Variants in DLGAP2 observed in about 807,000 individuals in gnomAD.
DLGAP2 encodes the protein DLG associated protein 2, also known as disks large-associated protein 2.
In DLGAP2, 26 loss-of-function variants were observed where a neutral mutation model predicts 100.3. The observed-to-expected ratio is 0.26, with a 90% CI of 0.19 to 0.36. The LOEUF is 0.36. Among genes scored for constraint, DLGAP2 ranks in the 10% least tolerant of loss-of-function variants. The probability of loss-of-function intolerance (pLI) is 1.00; values close to 1 mark genes in which losing one functional copy is unlikely to be tolerated. For synonymous variants in DLGAP2, 886 were observed against 630.1 expected, an observed-to-expected ratio of 1.41 and a Z score of -6.08; for missense variants, 1,858 against 1,453.2, an observed-to-expected ratio of 1.28 and a Z score of -4.53.
chr8:1,251,465 G>A (rs902122287), intron 2 of DLGAP2, among the ~76,000 whole-genome samples: 2 of 152,142 alleles, frequency 1.3e-5, no homozygotes, highest in African/African-American at 4.8e-5. Flanking sequence ...TTGAGACAGG[G>A]TCTCTGTCTG....
intron 8 of DLGAP2, among the ~76,000 whole-genome samples, chr8:1,660,852 G>T (rs1369800846): frequency 6.6e-6 from 1 of 152,198 alleles, no homozygotes; most frequent in Non-Finnish European, 1.5e-5. Context: ...AATTGTTTTT[G>T]AGAGAACCTG....
chr8:1,111,073 C>G (rs1470041274), intron 2 of DLGAP2, among the ~76,000 whole-genome samples: 1 of 152,202 alleles, frequency 6.6e-6, no homozygotes, highest in Non-Finnish European at 1.5e-5. Context: ...CCACAGTGCC[C>G]GACTCCGGGG....
chr8:1,133,451 T>C (rs1285705330), intron 2 of DLGAP2, among the ~76,000 whole-genome samples: 2 of 152,128 alleles, frequency 1.3e-5, no homozygotes, highest in Admixed American at 6.5e-5. Flanking sequence ...TATTTTTTGC[T>C]TTTAGAAGGG....
At chr8:1,199,330 C>G (rs530782540) in intron 2 of DLGAP2, among the ~76,000 whole-genome samples, 1 of 152,322 alleles carries the variant, frequency 6.6e-6, no homozygotes, top group South Asian at 2.1e-4. Context: ...CTGGTGATCT[C>G]TTTTGGCTAT....
chr8:1,686,315 T>A (rs1326637740), intron 12 of DLGAP2, among the ~76,000 whole-genome samples: 1 of 152,176 alleles, frequency 6.6e-6, no homozygotes, highest in Non-Finnish European at 1.5e-5. Flanking sequence ...AATTGGAGGT[T>A]ATTATGTTAA....
chr8:1,262,857 T>A (rs1469240191), intron 3 of DLGAP2, among the ~76,000 whole-genome samples: 1 of 152,056 alleles, frequency 6.6e-6, no homozygotes, highest in Admixed American at 6.6e-5. Flanking sequence ...ACAGGAAAAT[T>A]TATGGACATT....
intron 2 of DLGAP2, among the ~76,000 whole-genome samples, chr8:1,006,476 C>A (rs1251042312): frequency 7.9e-6 from 1 of 125,850 alleles, no homozygotes; most frequent in African/African-American, 3.1e-5. Flanking sequence ...GGTCCTTTAT[C>A]ACATCGGGGA....
chr8:1,693,973 C>A (rs539197436), intron 13 of DLGAP2, among the ~76,000 whole-genome samples: 32 of 152,134 alleles, frequency 2.1e-4, no homozygotes, highest in Non-Finnish European at 4.1e-4. Flanking sequence ...CTCGGGTGAG[C>A]CTAGGCAGGC....
chr8:959,692 G>A (rs1160225728), intron 2 of DLGAP2, among the ~76,000 whole-genome samples: 2 of 152,204 alleles, frequency 1.3e-5, no homozygotes, highest in Non-Finnish European at 2.9e-5. Flanking sequence ...CATCATGGGT[G>A]TGAGAGGTCT....
In DLGAP2 at chr8:1,509,531, G is replaced by C. The variant is rs1800082897; in HGVS notation, c.172+8100G>C. Among the ~76,000 whole-genome samples the C allele has an allele frequency of 2.0e-5, 3 of 151,926 alleles. No homozygotes were observed. The South Asian group carries it at 6.2e-4, about 32-fold the overall frequency. ...AGGAGCAATACCTTGCAGCCATCAGGGTGGTGCAGAGAAAGGAAGTCGCTT... is the reference window on the plus strand; with the variant it reads ...AGGAGCAATACCTTGCAGCCATCAGCGTGGTGCAGAGAAAGGAAGTCGCTT... On this transcript the variant is annotated intron_variant, in intron 4 of 14. Transcript: ENST00000637795.
rs146185682 is a variant in DLGAP2, at chr8:1,494,846, C to T, written c.107-6520C>T. ...CAGCCACGGGGTTGAGGCTCAGCTT[C>T]ACGGAGATCTAACTCTTCTGTGGCG... On this transcript the variant is annotated intron_variant, in intron 3 of 14. Coordinates refer to ENST00000637795, the MANE Select transcript of DLGAP2 (RefSeq NM_001346810.2). Among the ~76,000 whole-genome samples the T allele has an allele frequency of 1.1e-3, 161 of 152,312 alleles. 1 individual carries two copies. Among genetic ancestry groups the T allele is most frequent in the African/African-American group, 3.5e-3 (145 of 41,564 alleles).
At chr8:1,310,593 C>T (rs1800591444) in intron 3 of DLGAP2, among the ~76,000 whole-genome samples, 1 of 152,154 alleles carries the variant, frequency 6.6e-6, no homozygotes, top group Non-Finnish European at 1.5e-5. Flanking sequence ...ACATGTTAGG[C>T]CAAAAGACAG....
intron 2 of DLGAP2, among the ~76,000 whole-genome samples, chr8:1,009,580 A>G (rs1310106692): frequency 2.0e-5 from 3 of 152,186 alleles, no homozygotes; most frequent in Non-Finnish European, 4.4e-5. Flanking sequence ...TTCATAGTGG[A>G]AGTGGATGGA....
chr8:1,312,545 A>G (rs1800637751), intron 3 of DLGAP2, among the ~76,000 whole-genome samples: 1 of 152,176 alleles, frequency 6.6e-6, no homozygotes, highest in Non-Finnish European at 1.5e-5. Context: ...GGGGAGAGGG[A>G]ACGGGAGTTA....
intron 1 of DLGAP2, among the ~76,000 whole-genome samples, chr8:775,293 A>C (rs1367366294): frequency 6.6e-6 from 1 of 152,154 alleles, no homozygotes; most frequent in Non-Finnish European, 1.5e-5. Flanking sequence ...TGTCGTCTGC[A>C]AAGAGGGACA....
intron 5 of DLGAP2, among the ~76,000 whole-genome samples, chr8:1,557,208 C>G (rs1801994993): frequency 6.6e-6 from 1 of 152,194 alleles, no homozygotes; most frequent in African/African-American, 2.4e-5. Context: ...TGGTTGGGAA[C>G]TGCTGGTGTC....
intron 2 of DLGAP2, among the ~76,000 whole-genome samples, chr8:1,102,389 A>C (rs1293935815): frequency 6.7e-6 from 1 of 149,342 alleles, no homozygotes; most frequent in Non-Finnish European, 1.5e-5. Context: ...TTATAGATAC[A>C]TAAAACATTA....
At chr8:1,120,050 T>A (rs1220399793) in intron 2 of DLGAP2, among the ~76,000 whole-genome samples, 1 of 152,296 alleles carries the variant, frequency 6.6e-6, no homozygotes, top group South Asian at 2.1e-4. Context: ...CAGCAACTTA[T>A]AACAAAAACA....
At chr8:843,310 T>C (rs1041344257) in intron 1 of DLGAP2, among the ~76,000 whole-genome samples, 2 of 152,200 alleles carry the variant, frequency 1.3e-5, no homozygotes, top group African/African-American at 4.8e-5. Context: ...TATTGACGTG[T>C]TTTTCCCTCA....
Sources: gnomAD v4.1 joint callset for allele counts (sites outside exome capture counted in the v4.1 genomes callset) on GRCh38, gnomAD v4.1.1 for gene constraint, MANE v1.5 for transcripts, NCBI Gene and HGNC (gene_info 2026-07-23, HGNC 2026-07-21) for gene names.